WWP1: variants seen among roughly 807,000 people sequenced by gnomAD.
The protein encoded by WWP1 is WW domain containing E3 ubiquitin protein ligase 1.
Under a neutral mutation model 130.6 loss-of-function variants are expected in WWP1, and 49 were observed. That is an observed-to-expected ratio of 0.38 (90% CI 0.30 to 0.48). The LOEUF (loss-of-function observed/expected upper bound fraction) is 0.48. Ranked by LOEUF, WWP1 falls within the 20% of genes least tolerant of loss-of-function variation. The pLI is 0.99. For synonymous variants in WWP1, 332 were observed against 367.8 expected (o/e 0.90, Z 1.11); for missense variants, 809 against 1,100.6 (o/e 0.74, Z 3.75).
At chr8:86,357,891 T>C (rs1823351597) in intron 1 of WWP1, among the ~76,000 whole-genome samples, 1 of 152,214 alleles carries the variant, frequency 6.6e-6, no homozygotes, top group African/African-American at 2.4e-5. Context: ...ATTTGGCTGT[T>C]ACAGTACCAG....
At chr8:86,431,300 T>G in intron 12 of WWP1, 106 bp from the exon 13 acceptor site, 1 of 256,744 alleles carries the variant, frequency 3.9e-6, no homozygotes, top group African/African-American at 2.4e-5. Flanking sequence ...ATATCCCTGA[T>G]ATGTTTTTAT....
chr8:86,445,151 G>A (rs1465325523), intron 18 of WWP1, among the ~76,000 whole-genome samples: 2 of 152,118 alleles, frequency 1.3e-5, no homozygotes, highest in East Asian at 3.9e-4. Context: ...AACTCACCAG[G>A]GCATTAGTCT....
chr8:86,355,353 T>A (rs1823192292), intron 1 of WWP1, among the ~76,000 whole-genome samples: 1 of 152,194 alleles, frequency 6.6e-6, no homozygotes, highest in African/African-American at 2.4e-5. Flanking sequence ...ATTCTCTTAA[T>A]CACCTCTCAT....
intron 1 of WWP1, among the ~76,000 whole-genome samples, chr8:86,362,456 A>G (rs945813018): frequency 4.0e-5 from 6 of 151,896 alleles, no homozygotes; most frequent in South Asian, 2.1e-4. Context: ...TGGAAGGGGA[A>G]CAGAAATATT....
At chr8:86,399,001 T>C (rs959003299) in intron 7 of WWP1, among the ~76,000 whole-genome samples, 1 of 152,216 alleles carries the variant, frequency 6.6e-6, no homozygotes, top group Admixed American at 6.5e-5. Flanking sequence ...AATCTACTTT[T>C]TCTGTGTCTG....
intron 1 of WWP1, among the ~76,000 whole-genome samples, chr8:86,350,679 CTAGCAT>C (rs1331154999): frequency 6.6e-6 from 1 of 152,164 alleles, no homozygotes; most frequent in East Asian, 1.9e-4. Flanking sequence ...AAAAAATATC[CTAGCAT>C]TAACAGAATG....
chr8:86,439,342 CAAA>C (rs59635746), intron 17 of WWP1, among the ~76,000 whole-genome samples: 5 of 127,056 alleles, frequency 3.9e-5, no homozygotes, highest in African/African-American at 3.0e-5. Context: ...GACGCTGTGT[CAAA>C]AAAAAAAAAA....
intron 3 of WWP1, among the ~76,000 whole-genome samples, chr8:86,379,062 A>G (rs1011105636): frequency 4.6e-5 from 7 of 152,212 alleles, no homozygotes; most frequent in South Asian, 4.1e-4. Flanking sequence ...TTTTAACACC[A>G]TCATATACTG....
chr8:86,356,527 G>A (rs959037231), intron 1 of WWP1, among the ~76,000 whole-genome samples: 3 of 151,308 alleles, frequency 2.0e-5, no homozygotes, highest in Admixed American at 1.3e-4. Context: ...AGAAATTATA[G>A]CAAATTAAAA....
chr8:86,375,680 G>T (rs946207309), intron 3 of WWP1, among the ~76,000 whole-genome samples: 1 of 152,066 alleles, frequency 6.6e-6, no homozygotes, highest in Non-Finnish European at 1.5e-5. Flanking sequence ...CCTTTTGCTG[G>T]ACATTGGCGT....
intron 21 of WWP1, 57 bp from the exon 22 acceptor site, chr8:86,457,864 A>G: frequency 6.5e-7 from 1 of 1,527,512 alleles, no homozygotes; most frequent in Non-Finnish European, 9.0e-7. Flanking sequence ...TTTCAGTCAT[A>G]TAATTATTCT....
Position 86,468,419 on chromosome 8 carries a change from C to T in WWP1, c.*1526C>T, listed in dbSNP as rs986476960. The T allele has an allele frequency of 4.5e-6, 2 of 445,064 alleles. No homozygotes were observed. Among genetic ancestry groups the T allele is most frequent in the African/African-American group, 2.0e-5 (1 of 49,176 alleles). The allele number at this position is 445,064 out of a possible 1,614,324, so 27.6% of individuals were successfully genotyped here. A position where few individuals can be genotyped will look rare whatever the true frequency, so the allele number is the denominator to read the frequency against. On this transcript the variant is annotated 3_prime_UTR_variant, in exon 25 of 25. Transcript: ENST00000517970. Reference sequence around the variant, plus strand: ...TTATTATGAACACTCTGGTAATTTTCAAGCCTAAAGAATTAAAAAAAAAAT... The same window carrying T: ...TTATTATGAACACTCTGGTAATTTTTAAGCCTAAAGAATTAAAAAAAAAAT...
At chr8:86,383,259 C>T (rs1349308460) in intron 5 of WWP1, among the ~76,000 whole-genome samples, 1 of 151,708 alleles carries the variant, frequency 6.6e-6, no homozygotes, top group Non-Finnish European at 1.5e-5. Context: ...TATACAGTAC[C>T]TTGCCTGGAT....
At chr8:86,357,012 G>T (rs374068693) in intron 1 of WWP1, among the ~76,000 whole-genome samples, 6 of 152,222 alleles carry the variant, frequency 3.9e-5, no homozygotes, top group African/African-American at 1.4e-4. Flanking sequence ...AAAATGGTTT[G>T]TATACAAGGA....
At chr8:86,350,845 A>C (rs10956803) in intron 1 of WWP1, among the ~76,000 whole-genome samples, 1 of 152,050 alleles carries the variant, frequency 6.6e-6, no homozygotes, top group Non-Finnish European at 1.5e-5. Flanking sequence ...ATTAGCCCCA[A>C]CTTGCCAAGA....
chr8:86,407,473 TG>T (rs1165196459), intron 8 of WWP1, among the ~76,000 whole-genome samples: 4 of 152,190 alleles, frequency 2.6e-5, no homozygotes, highest in African/African-American at 7.2e-5. Flanking sequence ...ATTCCTGATC[TG>T]TATCCACTAG....
chr8:86,389,511 T>G (rs934338174), intron 5 of WWP1, among the ~76,000 whole-genome samples: 6 of 152,246 alleles, frequency 3.9e-5, no homozygotes, highest in Non-Finnish European at 8.8e-5. Flanking sequence ...GGCAGAAGAA[T>G]TTTTCTTAGT....
intron 1 of WWP1, among the ~76,000 whole-genome samples, chr8:86,352,471 C>T (rs970819166): frequency 2.0e-5 from 3 of 152,120 alleles, no homozygotes; most frequent in African/African-American, 4.8e-5. Context: ...GTGATTCACC[C>T]GTCTTGGCCT....
chr8:86,364,273 A>T (rs1268467496), intron 1 of WWP1, among the ~76,000 whole-genome samples: 3 of 152,170 alleles, frequency 2.0e-5, no homozygotes, highest in African/African-American at 4.8e-5. Flanking sequence ...TGTAACTAAT[A>T]GTTTAGAGTA....
Sources: allele counts gnomAD v4.1 joint callset (sites outside exome capture counted in the v4.1 genomes callset), GRCh38; gene constraint gnomAD v4.1.1; transcripts MANE v1.5; gene names NCBI Gene and HGNC (gene_info 2026-07-23, HGNC 2026-07-21).